DIAPH3: variants seen among roughly 807,000 people sequenced by gnomAD.
DIAPH3 encodes diaphanous related formin 3.
A neutral mutation model predicts 144.3 loss-of-function variants in DIAPH3; 117 were observed. The ratio of observed to expected loss-of-function variants is 0.81; its 90% CI spans 0.70 to 0.95. The LOEUF (loss-of-function observed/expected upper bound fraction) is 0.95. Among genes scored for constraint, DIAPH3 ranks in the 40% least tolerant of loss-of-function variants. DIAPH3 has a pLI of 0.00. For synonymous variants in DIAPH3, 519 were observed against 488.9 expected (o/e 1.06, Z -0.81); for missense variants, 1,421 against 1,412.7 (o/e 1.01, Z -0.09).
At chr13:59,856,951 T>C (rs1262114400) in intron 22 of DIAPH3, among the ~76,000 whole-genome samples, 1 of 151,920 alleles carries the variant, frequency 6.6e-6, no homozygotes, top group East Asian at 1.9e-4. Context: ...CTACTCCTGA[T>C]TTGAAAGACC....
chr13:60,099,788 A>T (rs117744120), intron 3 of DIAPH3, among the ~76,000 whole-genome samples: 4,388 of 152,230 alleles, frequency 0.029, 86 homozygotes, highest in Middle Eastern at 0.085. Flanking sequence ...CTAGGAACAG[A>T]TTTCAGAAGT....
intron 14 of DIAPH3, among the ~76,000 whole-genome samples, chr13:59,975,549 A>C (rs1455596567): frequency 6.6e-6 from 1 of 151,996 alleles, no homozygotes; most frequent in African/African-American, 2.4e-5. Flanking sequence ...GAGCAGTTTT[A>C]GGTTCACGGC....
chr13:60,123,303 A>C (rs959611111), intron 2 of DIAPH3, among the ~76,000 whole-genome samples: 3 of 152,146 alleles, frequency 2.0e-5, no homozygotes, highest in African/African-American at 7.2e-5. Flanking sequence ...GACGACAGAG[A>C]CCTTCTTTTT....
At chr13:59,697,640 G>C (rs910797319) in intron 27 of DIAPH3, among the ~76,000 whole-genome samples, 4 of 152,066 alleles carry the variant, frequency 2.6e-5, no homozygotes, top group African/African-American at 9.7e-5. Flanking sequence ...AGCTCTGACA[G>C]AGTTATTATT....
chr13:59,897,962 T>C (rs1931058465), intron 20 of DIAPH3, among the ~76,000 whole-genome samples: 2 of 150,832 alleles, frequency 1.3e-5, no homozygotes. Flanking sequence ...TGAAACTCCA[T>C]CTCTACTAAA....
intron 5 of DIAPH3, among the ~76,000 whole-genome samples, chr13:60,042,237 A>C (rs1011157132): frequency 1.3e-5 from 2 of 152,140 alleles, no homozygotes; most frequent in Non-Finnish European, 2.9e-5. Flanking sequence ...ATTTCTGGTC[A>C]TTCTGTACTT....
At chr13:59,678,954 T>C (rs1451767418) in intron 27 of DIAPH3, among the ~76,000 whole-genome samples, 2 of 152,198 alleles carry the variant, frequency 1.3e-5, no homozygotes, top group Non-Finnish European at 1.5e-5. Context: ...TCAGGATAAA[T>C]AGAAACTACT....
chr13:60,103,671 G>T, intron 3 of DIAPH3, among the ~76,000 whole-genome samples: 1 of 152,268 alleles, frequency 6.6e-6, no homozygotes, highest in Middle Eastern at 3.4e-3. Context: ...ATTATGTTTT[G>T]TTTTAGGGGT....
At chr13:59,852,816 A>G (rs1286884546) in intron 22 of DIAPH3, among the ~76,000 whole-genome samples, 2 of 152,224 alleles carry the variant, frequency 1.3e-5, no homozygotes, top group African/African-American at 4.8e-5. Flanking sequence ...ATTTCTGACA[A>G]TACATATTAA....
intron 25 of DIAPH3, among the ~76,000 whole-genome samples, chr13:59,803,453 T>C (rs898506515): frequency 6.6e-6 from 1 of 152,090 alleles, no homozygotes; most frequent in Non-Finnish European, 1.5e-5. Context: ...TATAATAATA[T>C]GAAAAACATT....
At chr13:59,753,450 A>G (rs2037112987) in intron 27 of DIAPH3, among the ~76,000 whole-genome samples, 1 of 152,194 alleles carries the variant, frequency 6.6e-6, no homozygotes, top group African/African-American at 2.4e-5. Context: ...TGGGACTCAA[A>G]AGTGTACTGC....
chr13:59,893,929 G>C lies in DIAPH3; in HGVS notation c.2368-14461C>G, dbSNP rs151192881. ...AACCCATTAAGAACGACAGCTTGCT[G>C]TGTTTCTTAGTATTGATTGTATGCA... On this transcript the variant is annotated intron_variant, in intron 20 of 27. Coordinates refer to ENST00000400324, the MANE Select transcript of DIAPH3 (RefSeq NM_001042517.2). Among the ~76,000 whole-genome samples, 68 of 152,216 alleles carry C rather than the reference G, an allele frequency of 4.5e-4. 1 individual carries two copies. The South Asian group carries it at 5.6e-3, about 13-fold the overall frequency.
At chr13:59,678,615 T>C (rs573806724) in intron 27 of DIAPH3, among the ~76,000 whole-genome samples, 1 of 152,344 alleles carries the variant, frequency 6.6e-6, no homozygotes, top group South Asian at 2.1e-4. Flanking sequence ...TCTTTTTCCA[T>C]TCCGAAAAAG....
At chr13:59,745,591 C>T (rs903993579) in intron 27 of DIAPH3, among the ~76,000 whole-genome samples, 4 of 152,140 alleles carry the variant, frequency 2.6e-5, no homozygotes, top group African/African-American at 9.7e-5. Context: ...TAAGGCTGCA[C>T]ATACAAACAC....
rs35687460 is a variant in DIAPH3 at position 60,162,809 on chromosome 13, TCACA to T, written c.180+774_180+777del. On this transcript the variant is annotated intron_variant, in intron 1 of 27. Transcript: ENST00000400324. ...CTCTCTCTCTCTCTCTCTCTCTCTC[TCACA>T]CACACACACACACACACACACACAC... is the stretch of plus-strand genomic sequence containing the variant. Among the ~76,000 whole-genome samples, 367 of 122,488 alleles carry T rather than the reference TCACA, an allele frequency of 3.0e-3. 2 individuals are homozygous for T. The highest frequency in any genetic ancestry group is 9.0e-3 in the African/African-American group (275 of 30,466). The allele number at this position is 122,488 out of a possible 152,430, so 80.4% of individuals were successfully genotyped here.
intron 2 of DIAPH3, among the ~76,000 whole-genome samples, chr13:60,115,098 A>G (rs7342485): frequency 0.67 from 102,357 of 152,060 alleles, 34,850 homozygotes; most frequent in Admixed American, 0.76. Flanking sequence ...ATAAGAAAGA[A>G]AAAATACATT....
chr13:60,015,765 C>T, intron 7 of DIAPH3, 148 bp downstream of exon 7: 1 of 754,326 alleles, frequency 1.3e-6, no homozygotes, highest in Non-Finnish European at 2.3e-6. Flanking sequence ...TATTGCAAGA[C>T]AGTTGAAACT....
At chr13:59,785,278 A>G (rs575346456) in intron 25 of DIAPH3, among the ~76,000 whole-genome samples, 175 of 152,354 alleles carry the variant, frequency 1.1e-3, no homozygotes, top group African/African-American at 4.1e-3. Context: ...TGATTTGTAC[A>G]AATTTCATTA....
At chr13:60,000,916 A>G (rs2052487576) in intron 9 of DIAPH3, among the ~76,000 whole-genome samples, 1 of 152,222 alleles carries the variant, frequency 6.6e-6, no homozygotes, top group Admixed American at 6.5e-5. Flanking sequence ...ACCAATGTAT[A>G]GGAACAACAT....
Sources: gnomAD v4.1 joint callset for allele counts (sites outside exome capture counted in the v4.1 genomes callset) on GRCh38, gnomAD v4.1.1 for gene constraint, MANE v1.5 for transcripts, NCBI Gene and HGNC (gene_info 2026-07-23, HGNC 2026-07-21) for gene names.